The following MMP8 variants were observed in gnomAD, a reference collection of about 807,000 sequenced individuals.
MMP8 encodes the protein neutrophil collagenase.
In MMP8, 67 loss-of-function variants were observed where a neutral mutation model predicts 51.2. That is an observed-to-expected ratio of 1.31 (90% confidence interval 1.08 to 1.60). The LOEUF (loss-of-function observed/expected upper bound fraction) is 1.60, where lower values mean the gene tolerates loss of function less well. Among genes scored for constraint, MMP8 ranks in the 40% most tolerant of loss-of-function variants. MMP8 has a pLI of 0.00. For synonymous variants in MMP8, 225 were observed against 191.0 expected, an observed-to-expected ratio of 1.18 and a Z score of -1.47; for missense variants, 654 against 558.1, an observed-to-expected ratio of 1.17 and a Z score of -1.73.
At chr11:102,714,439 G>A (rs922655478) in intron 8 of MMP8, 117 bp downstream of exon 8, 11 of 602,814 alleles carry the variant, frequency 1.8e-5, no homozygotes, top group African/African-American at 1.6e-4. Flanking sequence ...ATATATTCTC[G>A]GTAAAACCTA....
In MMP8 at chr11:102,714,687, A is replaced by C. The variant is rs770757332; in HGVS notation, c.1059T>G (p.Ser353Arg). Reference sequence around the variant, plus strand: ...GATAACCTTGCAGAATATCATAGCCACTCAGAGCCCAGTATTGGTTGCCTG... The same window carrying C: ...GATAACCTTGCAGAATATCATAGCCCCTCAGAGCCCAGTATTGGTTGCCTG... The part of the protein sequence containing the change: ...LFKGNQYWAL[S>R]GYDILQGYPK... Residue 353 changes from serine to arginine, a missense_variant, in exon 8 of 10, where the codon AGT (serine) becomes AGG (arginine). Transcript: ENST00000236826. 6.5e-7 allele frequency: 1 copy of C among 1,532,096 alleles called. No individual in the cohort carries two copies. The highest frequency in any genetic ancestry group is 1.3e-5 in the South Asian group (1 of 76,606). The allele number at this position is 1,532,096 out of a possible 1,614,324, so 94.9% of individuals were successfully genotyped here.
chr11:102,716,021 T>C (rs1418558132), intron 6 of MMP8, among the ~76,000 whole-genome samples: 1 of 152,108 alleles, frequency 6.6e-6, no homozygotes, highest in African/African-American at 2.4e-5. Flanking sequence ...CATGTTTTTT[T>C]TTTCTCCTGG....
rs1591668450 is a variant in MMP8, at chr11:102,712,033, C to T, written c.*1315G>A. 1 of 152,120 alleles carries T rather than the reference C, an allele frequency of 6.6e-6. No individual in the cohort carries two copies. Among genetic ancestry groups the T allele is most frequent in the East Asian group, 1.9e-4 (1 of 5,200 alleles). The allele number at this position is 152,120 out of a possible 1,614,324, so 9.4% of individuals were successfully genotyped here. Reference sequence around the variant, plus strand: ...ATAATGATTTTGATATCTGGACTCGCTAGACTTGGTCCCATAAATCCTATA... The same window carrying T: ...ATAATGATTTTGATATCTGGACTCGTTAGACTTGGTCCCATAAATCCTATA... On this transcript the variant is annotated 3_prime_UTR_variant, in exon 10 of 10. Transcript: ENST00000236826.
rs560925076 is a variant in MMP8, at chr11:102,724,910, G to C, written c.-55C>G. On this transcript the variant is annotated 5_prime_UTR_variant, in exon 1 of 10. Coordinates refer to ENST00000236826, the MANE Select transcript of MMP8 (RefSeq NM_002424.3). ...GCTTTCTTTCTGTCCCTCTGGGTAG[G>C]GCCCTTCCCTGGCGAGCACCCTGAC... 4.2e-5 allele frequency: 65 copies of C among 1,558,750 alleles called. 1 individual carries two copies. The highest frequency in any genetic ancestry group is 5.6e-5 in the Non-Finnish European group (64 of 1,148,782).
Position 102,724,795 on chromosome 11 carries a change from A to G in MMP8, c.61T>C (p.Phe21Leu). ...LLLHVQISKA[F>L]PVSSKEKNTK... ...TTTTTCTCTTTAGAAGATACAGGAA[A>G]GGCCTTGGAAATCTGCACATGGAGT... Residue 21 changes from phenylalanine (F) to leucine (L), a missense_variant, in exon 1 of 10, where the codon TTT (phenylalanine) becomes CTT (leucine). By Grantham distance (22) the Phe-to-Leu change is conservative (BLOSUM62 0). Coordinates refer to ENST00000236826, the MANE Select transcript of MMP8 (RefSeq NM_002424.3). 6.2e-7 allele frequency: 1 copy of G among 1,608,002 alleles called. No homozygotes were observed. Among genetic ancestry groups the G allele is most frequent in the Non-Finnish European group, 8.5e-7 (1 of 1,176,486 alleles).
rs541172269 is a variant in MMP8 at position 102,724,852 on chromosome 11, A to C, written c.4T>G (p.Phe2Val). Residue 2 changes from phenylalanine (F) to valine (V), a missense_variant, in exon 1 of 10, where the codon TTC (phenylalanine) becomes GTC (valine). Coordinates refer to ENST00000236826, the MANE Select transcript of MMP8 (RefSeq NM_002424.3). ...AGAAATGGAAGCGTCTTCAGGGAGAACATGATCTTCTCTTCAAACTCTACC... is the reference window on the plus strand; with the variant it reads ...AGAAATGGAAGCGTCTTCAGGGAGACCATGATCTTCTCTTCAAACTCTACC... M[F>V]SLKTLPFLLL... 6.2e-7 allele frequency: 1 copy of C among 1,608,294 alleles called. No individual in the cohort carries two copies. Among genetic ancestry groups the C allele is most frequent in the South Asian group, 1.1e-5 (1 of 89,776 alleles).
chr11:102,719,126 G>A (rs527604069), intron 4 of MMP8, among the ~76,000 whole-genome samples: 9 of 152,318 alleles, frequency 5.9e-5, no homozygotes, highest in African/African-American at 1.9e-4. Flanking sequence ...CTCTACTGGA[G>A]AGAGACAAAT....
At chr11:102,720,686 C>A (rs1646151647) in intron 4 of MMP8, among the ~76,000 whole-genome samples, 1 of 152,192 alleles carries the variant, frequency 6.6e-6, no homozygotes, top group Non-Finnish European at 1.5e-5. Flanking sequence ...TAGGAGCCTT[C>A]TCCTGAAAGG....
At chr11:102,716,498 C>T (rs1219775534) in intron 5 of MMP8, 79 bp from the exon 6 acceptor site, 1 of 851,958 alleles carries the variant, frequency 1.2e-6, no homozygotes, top group Non-Finnish European at 1.8e-6. Flanking sequence ...ACATCAGAGA[C>T]TTCTCAGAAA....
chr11:102,718,744 G>T (rs1861381674), intron 4 of MMP8, among the ~76,000 whole-genome samples, 169 bp from the exon 5 acceptor site: 1 of 152,170 alleles, frequency 6.6e-6, no homozygotes, highest in East Asian at 1.9e-4. Context: ...ACATTGAGAA[G>T]AATCAAGATA....
chr11:102,714,941 G>T (rs547453647), intron 7 of MMP8, among the ~76,000 whole-genome samples: 24 of 151,896 alleles, frequency 1.6e-4, no homozygotes, highest in African/African-American at 5.6e-4. Flanking sequence ...AAAAACTTCT[G>T]AGCAAGACAT....
chr11:102,721,531 A>T lies in MMP8; in HGVS notation c.497-5T>A. ...ATGGAGAATTGTCACCGTGATCTGAAATAAGAACATTTGTATTAGATCCTT... is the reference window on the plus strand; with the variant it reads ...ATGGAGAATTGTCACCGTGATCTGATATAAGAACATTTGTATTAGATCCTT... On this transcript the variant is annotated splice_polypyrimidine_tract_variant and splice_region_variant and intron_variant, in intron 3 of 9. Coordinates refer to ENST00000236826, the MANE Select transcript of MMP8 (RefSeq NM_002424.3). The T allele has an allele frequency of 6.2e-7, 1 of 1,613,810 alleles. No individual in the cohort carries two copies.
In MMP8 at chr11:102,723,077, T is replaced by C. The variant is rs1187021410; in HGVS notation, c.103-404A>G. 3.9e-6 allele frequency: 5 copies of C among 1,287,302 alleles called. No individual in the cohort carries two copies. In the South Asian group the frequency reaches 6.2e-5, roughly 16 times the overall value. The allele number at this position is 1,287,302 out of a possible 1,614,324, so 79.7% of individuals were successfully genotyped here. A position where few individuals can be genotyped will look rare whatever the true frequency, so the allele number is the denominator to read the frequency against. ...CACTACTGTAGAAAAGGCTTATTTATTCTGCTGAACAAACAGAAGCACAGA... is the reference window on the plus strand; with the variant it reads ...CACTACTGTAGAAAAGGCTTATTTACTCTGCTGAACAAACAGAAGCACAGA... On this transcript the variant is annotated intron_variant, in intron 1 of 9. Coordinates refer to ENST00000236826, the MANE Select transcript of MMP8 (RefSeq NM_002424.3).
chr11:102,722,913 G>A (rs1346199941), intron 1 of MMP8: 1 of 1,084,048 alleles, frequency 9.2e-7, no homozygotes, highest in Non-Finnish European at 1.3e-6. Flanking sequence ...AAGGGATGAG[G>A]ATCACATCAC....
chr11:102,721,333 TG>T, intron 4 of MMP8, 67 bp downstream of exon 4: 2 of 1,577,002 alleles, frequency 1.3e-6, no homozygotes, highest in Non-Finnish European at 1.7e-6. Flanking sequence ...TGTGTGTGTG[TG>T]TGTGTATTCT....
chr11:102,719,198 C>T (rs146497829), intron 4 of MMP8, among the ~76,000 whole-genome samples: 1 of 152,188 alleles, frequency 6.6e-6, no homozygotes, highest in Non-Finnish European at 1.5e-5. Flanking sequence ...CCGTTCACAA[C>T]TGGAGACTTA....
intron 4 of MMP8, 112 bp from the exon 5 acceptor site, chr11:102,718,687 C>A: frequency 8.8e-7 from 1 of 1,139,614 alleles, no homozygotes; most frequent in East Asian, 2.4e-5. Flanking sequence ...AATAGCCCTT[C>A]CCATGGCTGT....
At chr11:102,717,333 G>A (rs952121313) in intron 5 of MMP8, among the ~76,000 whole-genome samples, 2 of 152,116 alleles carry the variant, frequency 1.3e-5, no homozygotes, top group Non-Finnish European at 2.9e-5. Context: ...ACTTATCCTT[G>A]AAATGTATCA....
chr11:102,713,517 GT>G, intron 9 of MMP8, 60 bp from the exon 10 acceptor site: 1 of 1,382,584 alleles, frequency 7.2e-7, no homozygotes, highest in Non-Finnish European at 1.0e-6. Context: ...GATGTCTTCA[GT>G]TAGAAAACCC....
Sources: gnomAD v4.1 joint callset for allele counts (sites outside exome capture counted in the v4.1 genomes callset) on GRCh38, gnomAD v4.1.1 for gene constraint, MANE v1.5 for transcripts, NCBI Gene and HGNC (gene_info 2026-07-23, HGNC 2026-07-21) for gene names.